Variants in CHL1 observed in about 807,000 individuals in gnomAD.
CHL1 encodes the protein cell adhesion molecule L1 like.
A neutral mutation model predicts 141.9 loss-of-function variants in CHL1; 96 were observed. The observed-to-expected ratio is 0.68, with a 90% CI of 0.57 to 0.80. The LOEUF (loss-of-function observed/expected upper bound fraction) is 0.80, where lower values mean the gene tolerates loss of function less well. Among genes scored for constraint, CHL1 ranks in the 30% least tolerant of loss-of-function variants. The pLI, the probability that CHL1 is intolerant of heterozygous loss-of-function variation, is 0.00. For missense variants in CHL1, 1,820 were observed against 1,457.2 expected, an observed-to-expected ratio of 1.25 and a Z score of -4.05; for synonymous variants, 613 against 502.2, an observed-to-expected ratio of 1.22 and a Z score of -2.95.
chr3:358,151 G>A (rs1220081279), intron 11 of CHL1, among the ~76,000 whole-genome samples: 1 of 152,112 alleles, frequency 6.6e-6, no homozygotes, highest in Admixed American at 6.6e-5. Context: ...AGTCCAACAC[G>A]AGTCTTGGCT....
rs527666785 is a variant in CHL1 at position 240,622 on chromosome 3, G to A, written c.-174-3991G>A. ...AATTAAGTCCCACCTATTTATCTTT[G>A]TTTTTGTTGCATTTGCTTTTGAATT... On this transcript the variant is annotated intron_variant, in intron 1 of 27. Coordinates refer to ENST00000256509, the MANE Select transcript of CHL1 (RefSeq NM_006614.4). 3.5e-3 allele frequency among the ~76,000 whole-genome samples: 535 copies of A among 152,232 alleles called. 1 individual carries two copies. Among genetic ancestry groups the A allele is most frequent in the Non-Finnish European group, 6.1e-3 (414 of 68,008 alleles).
At chr3:236,205 T>A (rs746057436) in intron 1 of CHL1, among the ~76,000 whole-genome samples, 11 of 152,132 alleles carry the variant, frequency 7.2e-5, no homozygotes, top group Non-Finnish European at 1.3e-4. Context: ...CATATCCACA[T>A]TCGACTGCAG....
At chr3:260,426 A>T (rs1048031366) in intron 2 of CHL1, among the ~76,000 whole-genome samples, 1 of 152,226 alleles carries the variant, frequency 6.6e-6, no homozygotes, top group African/African-American at 2.4e-5. Flanking sequence ...ATCACTATCT[A>T]TTAAGACATA....
chr3:388,610 A>G (rs1281027913), intron 19 of CHL1, among the ~76,000 whole-genome samples: 1 of 152,194 alleles, frequency 6.6e-6, no homozygotes, highest in Non-Finnish European at 1.5e-5. Context: ...TTCTATGGAG[A>G]AAAATAAAGT....
intron 2 of CHL1, among the ~76,000 whole-genome samples, chr3:302,208 A>C (rs140090222): frequency 1.6e-4 from 24 of 152,322 alleles, no homozygotes; most frequent in African/African-American, 5.8e-4. Flanking sequence ...CAATAAACAT[A>C]CATGTGCATG....
intron 1 of CHL1, chr3:197,419 C>G (rs1462569823): frequency 6.3e-6 from 1 of 158,688 alleles, no homozygotes; most frequent in Non-Finnish European, 1.4e-5. Flanking sequence ...CCTCGCTGCT[C>G]TCTGAGGAGG....
At chr3:318,297 C>T (rs1009476358) in intron 2 of CHL1, among the ~76,000 whole-genome samples, 1 of 151,668 alleles carries the variant, frequency 6.6e-6, no homozygotes, top group Non-Finnish European at 1.5e-5. Context: ...AATAATAAAG[C>T]GGAAATACTT....
chr3:257,691 A>G (rs62228337), intron 2 of CHL1, among the ~76,000 whole-genome samples: 7,877 of 152,184 alleles, frequency 0.052, 225 homozygotes, highest in Non-Finnish European at 0.064. Context: ...AAAATCAGAG[A>G]TTCAGCTTGC....
intron 4 of CHL1, among the ~76,000 whole-genome samples, chr3:327,152 G>T (rs1701081009): frequency 6.6e-6 from 1 of 151,860 alleles, no homozygotes; most frequent in Non-Finnish European, 1.5e-5. Flanking sequence ...CAGGAGGGTG[G>T]CTGGGTAGGC....
chr3:311,629 C>T (rs987081321), intron 2 of CHL1, among the ~76,000 whole-genome samples: 1 of 152,158 alleles, frequency 6.6e-6, no homozygotes, highest in Admixed American at 6.5e-5. Flanking sequence ...GGAACACAAA[C>T]AGGTCTTACC....
intron 2 of CHL1, among the ~76,000 whole-genome samples, chr3:319,375 A>G (rs1175115212): frequency 6.6e-6 from 1 of 151,808 alleles, no homozygotes; most frequent in African/African-American, 2.4e-5. Context: ...AATCTAAAAT[A>G]GAAGTTGAGA....
At chr3:258,220 G>C (rs936557538) in intron 2 of CHL1, among the ~76,000 whole-genome samples, 1 of 152,238 alleles carries the variant, frequency 6.6e-6, no homozygotes, top group Non-Finnish European at 1.5e-5. Flanking sequence ...CTCAGATTAA[G>C]AGAGAATATT....
chr3:371,106 A>G (rs576407870), intron 15 of CHL1, among the ~76,000 whole-genome samples: 38 of 152,252 alleles, frequency 2.5e-4, no homozygotes, highest in Non-Finnish European at 4.4e-4. Flanking sequence ...AGTTCTGTAG[A>G]TGTCTATTAG....
In CHL1 at chr3:408,953, G is replaced by C. The variant is rs1231755855; in HGVS notation, c.*3242G>C. Reference sequence around the variant, plus strand: ...TTTCCTATTTTATACTCATGGAAGAGATAAGCTAAAGAGGGGACAATAATG... The same window carrying C: ...TTTCCTATTTTATACTCATGGAAGACATAAGCTAAAGAGGGGACAATAATG... On this transcript the variant is annotated 3_prime_UTR_variant, in exon 28 of 28. Coordinates refer to ENST00000256509, the MANE Select transcript of CHL1 (RefSeq NM_006614.4). The C allele has an allele frequency of 3.9e-5, 6 of 152,064 alleles. No individual in the cohort carries two copies. Among genetic ancestry groups the C allele is most frequent in the Non-Finnish European group, 8.8e-5 (6 of 67,984 alleles). The allele number at this position is 152,064 out of a possible 1,614,324, so 9.4% of individuals were successfully genotyped here. A position where few individuals can be genotyped will look rare whatever the true frequency, so the allele number is the denominator to read the frequency against.
At chr3:347,828 C>A (rs185011465) in intron 9 of CHL1, among the ~76,000 whole-genome samples, 3 of 152,226 alleles carry the variant, frequency 2.0e-5, no homozygotes, top group East Asian at 1.9e-4. Context: ...ATTTCCTACA[C>A]AAGCGTGCCA....
At chr3:262,419 A>G (rs868589948) in intron 2 of CHL1, among the ~76,000 whole-genome samples, 3 of 77,908 alleles carry the variant, frequency 3.9e-5, no homozygotes, top group East Asian at 3.6e-4. Context: ...TCACACGTTT[A>G]AGCCCAGATC....
At chr3:243,659 A>C (rs1467843500) in intron 1 of CHL1, among the ~76,000 whole-genome samples, 1 of 152,198 alleles carries the variant, frequency 6.6e-6, no homozygotes, top group Non-Finnish European at 1.5e-5. Context: ...AGCTTTTGGA[A>C]TAAGGCCAAA....
At chr3:378,095 C>G (rs776557459) in intron 16 of CHL1, among the ~76,000 whole-genome samples, 153 bp downstream of exon 16, 6 of 152,134 alleles carry the variant, frequency 3.9e-5, no homozygotes, top group Admixed American at 6.6e-5. Context: ...ACTTCAAATC[C>G]TTTCTCCTTT....
chr3:316,826 C>T (rs763891724), intron 2 of CHL1, among the ~76,000 whole-genome samples: 2 of 151,712 alleles, frequency 1.3e-5, no homozygotes, highest in Non-Finnish European at 2.9e-5. Flanking sequence ...GTGCCAGCTC[C>T]ATCCTGAGTT....
Sources: gnomAD v4.1 joint callset for allele counts (sites outside exome capture counted in the v4.1 genomes callset) on GRCh38, gnomAD v4.1.1 for gene constraint, MANE v1.5 for transcripts, NCBI Gene and HGNC (gene_info 2026-07-23, HGNC 2026-07-21) for gene names.